The following SGSM1 variants were observed in gnomAD, a reference collection of about 807,000 sequenced individuals.
SGSM1 encodes the protein small G protein signaling modulator 1, also known as RUN and TBC1 domain containing 2.
SGSM1 carries 73 observed loss-of-function variants against 133.8 expected under a neutral mutation model. The ratio of observed to expected loss-of-function variants is 0.55; its 90% CI spans 0.45 to 0.66. The LOEUF is 0.66. Ranked by LOEUF, SGSM1 falls within the 30% of genes least tolerant of loss-of-function variation. The probability of loss-of-function intolerance (pLI) is 0.00; values close to 1 mark genes in which losing one functional copy is unlikely to be tolerated. For missense variants in SGSM1, 1,213 were observed against 1,448.1 expected (o/e 0.84, Z 2.64); for synonymous variants, 563 against 573.0 (o/e 0.98, Z 0.25).
In SGSM1 at chr22:24,809,075, T is replaced by G. The variant is rs145939919; in HGVS notation, c.63+2591T>G. Among the ~76,000 whole-genome samples the G allele has an allele frequency of 3.6e-3, 551 of 152,268 alleles. 2 individuals are homozygous for G. Among genetic ancestry groups the G allele is most frequent in the African/African-American group, 0.013 (526 of 41,530 alleles). On this transcript the variant is annotated intron_variant, in intron 2 of 24. Coordinates refer to ENST00000400358, the MANE Select transcript of SGSM1 (RefSeq NM_001098497.3). Reference sequence around the variant, plus strand: ...AACCAGTGTGAGGGAACAGGTTCCGTTCTTCTGTCTTTTGAGTTCCTATTC... The same window carrying G: ...AACCAGTGTGAGGGAACAGGTTCCGGTCTTCTGTCTTTTGAGTTCCTATTC...
At chr22:24,911,289 C>CTTT (rs139761) in intron 21 of SGSM1, among the ~76,000 whole-genome samples, 18,390 of 128,158 alleles carry the variant, frequency 0.14, 1,787 homozygotes, top group Non-Finnish European at 0.21. Context: ...TAATTCCCCA[C>CTTT]TTTTTTTTTT....
chr22:24,899,941 T>TA (rs146347164), intron 19 of SGSM1, among the ~76,000 whole-genome samples: 1,773 of 152,286 alleles, frequency 0.012, 38 homozygotes, highest in African/African-American at 0.041. Context: ...CACCTATCTC[T>TA]AGTGTTTAAT....
rs1048924271 is a variant in SGSM1, at chr22:24,876,570, A to G, written c.1292-7A>G. On this transcript the variant is annotated splice_polypyrimidine_tract_variant and splice_region_variant and intron_variant, in intron 12 of 24. Transcript: ENST00000400358. ...GATTCTTCTGCCCCTCCTTCTATCCACCACAGTGCCCCAGGATCTGATGGA... is the reference window on the plus strand; with the variant it reads ...GATTCTTCTGCCCCTCCTTCTATCCGCCACAGTGCCCCAGGATCTGATGGA... The G allele has an allele frequency of 6.2e-7, 1 of 1,613,578 alleles. No homozygotes were observed.
intron 21 of SGSM1, 134 bp from the exon 22 acceptor site, chr22:24,912,509 T>G: frequency 1.6e-6 from 1 of 613,384 alleles, no homozygotes; most frequent in Non-Finnish European, 2.9e-6. Flanking sequence ...AAACCCCGTC[T>G]CTACTAAAAA....
chr22:24,849,407 G>T (rs1179676304), intron 4 of SGSM1, among the ~76,000 whole-genome samples: 3 of 152,122 alleles, frequency 2.0e-5, no homozygotes, highest in Non-Finnish European at 2.9e-5. Flanking sequence ...TACAAAATTA[G>T]CTGGGCGTGG....
intron 12 of SGSM1, 125 bp downstream of exon 12, chr22:24,868,980 G>GA: frequency 1.4e-6 from 2 of 1,407,366 alleles, no homozygotes; most frequent in Non-Finnish European, 1.9e-6. Flanking sequence ...TCTGGAAACA[G>GA]AAAGTCGGTT....
At position 24,915,918 on chromosome 22, in the gene SGSM1, A is replaced by G. The variant is rs142802501; in HGVS notation, c.2929-1740A>G. Among the ~76,000 whole-genome samples, 52 of 152,174 alleles carry G rather than the reference A, an allele frequency of 3.4e-4. No homozygotes were observed. In the East Asian group the frequency reaches 6.2e-3, roughly 18 times the overall value. ...TATTCATATGCTTTGCCCATTTTCT[A>G]TGTACATGTTTTCCATAATTAGAGT... On this transcript the variant is annotated intron_variant, in intron 22 of 24. Transcript: ENST00000400358.
rs544713996 is a variant in SGSM1, at chr22:24,890,203, G to A, written c.1771-3228G>A. 1.6e-4 allele frequency among the ~76,000 whole-genome samples: 25 copies of A among 151,652 alleles called. No homozygotes were observed. The East Asian group carries it at 1.9e-3, about 12-fold the overall frequency. On this transcript the variant is annotated intron_variant, in intron 16 of 24. Transcript: ENST00000400358. ...GATCTCCTGACCTTGTGATCCGCCC[G>A]CCTTGGCCTCCCAAAGTCCTGGGAT...
chr22:24,924,230 C>A lies in SGSM1; in HGVS notation c.3238C>A (p.Arg1080=). The A allele has an allele frequency of 6.2e-7, 1 of 1,613,954 alleles. No individual in the cohort carries two copies. Among genetic ancestry groups the A allele is most frequent in the Non-Finnish European group, 8.5e-7 (1 of 1,179,896 alleles). ...CACCAAGCAAGTCCTGAAGCTGGCG[C>A]GGGACCTCGTGTACAAGGTGCAGAC... ...HNTKQVLKLA[R]DLVYKVQTLI... The change falls in exon 25 of 25, where the codon CGG becomes AGG. Residue 1080 remains arginine, a synonymous_variant. Coordinates refer to ENST00000400358, the MANE Select transcript of SGSM1 (RefSeq NM_001098497.3).
chr22:24,835,017 C>T (rs1005075398), intron 2 of SGSM1, among the ~76,000 whole-genome samples: 2 of 152,142 alleles, frequency 1.3e-5, no homozygotes, highest in South Asian at 2.1e-4. Flanking sequence ...TTATTCTCTG[C>T]GTTCAACCTG....
intron 5 of SGSM1, among the ~76,000 whole-genome samples, chr22:24,852,002 A>T (rs1930510442): frequency 6.6e-6 from 1 of 152,260 alleles, no homozygotes; most frequent in Non-Finnish European, 1.5e-5. Context: ...GACCTTGAGC[A>T]TATGACCTGC....
intron 5 of SGSM1, 98 bp from the exon 6 acceptor site, chr22:24,854,898 G>T: frequency 1.1e-6 from 1 of 878,190 alleles, no homozygotes; most frequent in Non-Finnish European, 1.8e-6. Flanking sequence ...GAGGCTCTGG[G>T]TGGTAACCGA....
At chr22:24,841,040 CG>C (rs1039522859) in intron 2 of SGSM1, among the ~76,000 whole-genome samples, 5 of 151,950 alleles carry the variant, frequency 3.3e-5, no homozygotes, top group East Asian at 1.9e-4. Flanking sequence ...TTAGTAGAGA[CG>C]GGGTTTCACC....
intron 2 of SGSM1, among the ~76,000 whole-genome samples, chr22:24,825,342 C>T (rs924568263): frequency 6.6e-6 from 1 of 152,194 alleles, no homozygotes; most frequent in Non-Finnish European, 1.5e-5. Flanking sequence ...CCTTCTGCTC[C>T]TTCCCATTGC....
chr22:24,867,053 G>A, intron 9 of SGSM1, 40 bp from the exon 10 acceptor site: 1 of 1,603,708 alleles, frequency 6.2e-7, no homozygotes, highest in South Asian at 1.1e-5. Context: ...CAGTGGGGTA[G>A]GCAGAAGTCC....
intron 17 of SGSM1, among the ~76,000 whole-genome samples, chr22:24,894,395 A>C (rs921547312): frequency 8.5e-5 from 13 of 152,340 alleles, no homozygotes; most frequent in Admixed American, 8.5e-4. Context: ...CCCTCTCAAA[A>C]AAAAGTTAAT....
chr22:24,831,557 G>A lies in SGSM1; in HGVS notation c.64-13340G>A, dbSNP rs573775758. On this transcript the variant is annotated intron_variant, in intron 2 of 24. Coordinates refer to ENST00000400358, the MANE Select transcript of SGSM1 (RefSeq NM_001098497.3). Reference sequence around the variant, plus strand: ...GTGCAAGGCAGCAACTACCTCATCAGCCAAATTTGGCCGAGGAGCCTGGAG... The same window carrying A: ...GTGCAAGGCAGCAACTACCTCATCAACCAAATTTGGCCGAGGAGCCTGGAG... 7.2e-5 allele frequency among the ~76,000 whole-genome samples: 11 copies of A among 152,262 alleles called. No individual in the cohort carries two copies. In the South Asian group the frequency reaches 2.3e-3, roughly 32 times the overall value.
rs569985429 is a variant in SGSM1 at position 24,811,089 on chromosome 22, A to G, written c.63+4605A>G. On this transcript the variant is annotated intron_variant, in intron 2 of 24. Transcript: ENST00000400358. Reference sequence around the variant, plus strand: ...TGAGTATGTGTTGCTAAATCTGGCAACCCTACTCCAGGGGACATTTGGCAA... The same window carrying G: ...TGAGTATGTGTTGCTAAATCTGGCAGCCCTACTCCAGGGGACATTTGGCAA... 1.3e-4 allele frequency among the ~76,000 whole-genome samples: 19 copies of G among 151,428 alleles called. No individual in the cohort carries two copies. The South Asian group carries it at 4.0e-3, about 32-fold the overall frequency.
In SGSM1 at chr22:24,886,588, C is replaced by T; in HGVS notation, c.1642-12C>T. 1.9e-6 allele frequency: 3 copies of T among 1,551,410 alleles called. No individual in the cohort carries two copies. The highest frequency in any genetic ancestry group is 1.2e-5 in the South Asian group (1 of 84,036). ...GTTGACCAAACTCTTTGCTCCTCTCCACCCACCACAGAGTTACGAGGAGCA... is the reference window on the plus strand; with the variant it reads ...GTTGACCAAACTCTTTGCTCCTCTCTACCCACCACAGAGTTACGAGGAGCA... On this transcript the variant is annotated splice_polypyrimidine_tract_variant and intron_variant, in intron 15 of 24. Coordinates refer to ENST00000400358, the MANE Select transcript of SGSM1 (RefSeq NM_001098497.3).
Sources: allele counts gnomAD v4.1 joint callset (sites outside exome capture counted in the v4.1 genomes callset), GRCh38; gene constraint gnomAD v4.1.1; transcripts MANE v1.5; gene names NCBI Gene and HGNC (gene_info 2026-07-23, HGNC 2026-07-21).